Variants in INTS4 observed in about 807,000 individuals in gnomAD.
INTS4 encodes MSTP093.
In INTS4, 70 loss-of-function variants were observed where a neutral mutation model predicts 119.5. That is an observed-to-expected ratio of 0.59 (90% CI 0.48 to 0.71). The LOEUF is 0.71. Among genes scored for constraint, INTS4 ranks in the 30% least tolerant of loss-of-function variants. INTS4 has a pLI of 0.00. For synonymous variants in INTS4, 316 were observed against 419.6 expected, an observed-to-expected ratio of 0.75 and a Z score of 3.02; for missense variants, 867 against 1,173.2, an observed-to-expected ratio of 0.74 and a Z score of 3.81.
chr11:77,928,187 C>G (rs1379236035), intron 11 of INTS4, among the ~76,000 whole-genome samples, 155 bp downstream of exon 11: 2 of 152,188 alleles, frequency 1.3e-5, no homozygotes, highest in South Asian at 4.1e-4. Flanking sequence ...TCCTGTTTCA[C>G]AGTCAATTTC....
chr11:77,922,270 A>C (rs1193279402), intron 13 of INTS4, 86 bp downstream of exon 13: 18 of 1,484,388 alleles, frequency 1.2e-5, no homozygotes, highest in African/African-American at 2.9e-5. Flanking sequence ...AGAAAAGAAA[A>C]TTCAGACTAC....
chr11:77,955,183 A>G (rs1209813049), intron 8 of INTS4, among the ~76,000 whole-genome samples: 12 of 152,128 alleles, frequency 7.9e-5, no homozygotes, highest in Admixed American at 7.9e-4. Context: ...TACAAAAAAT[A>G]CAAATTAGCT....
rs113864270 is a variant in INTS4, at chr11:77,905,456, C to T, written c.2017-1836G>A. Among the ~76,000 whole-genome samples the T allele has an allele frequency of 4.3e-3, 646 of 149,062 alleles. 3 individuals carry two copies. The highest frequency in any genetic ancestry group is 0.015 in the African/African-American group (608 of 40,300). ...CCTGGATGATAAGCTGAGACTCTGT[C>T]TCAAAAAAAAAAAAAAGGCAATATA... On this transcript the variant is annotated intron_variant, in intron 16 of 22. Transcript: ENST00000534064.
intron 10 of INTS4, among the ~76,000 whole-genome samples, chr11:77,929,969 T>G (rs985426038): frequency 1.3e-5 from 2 of 152,164 alleles, no homozygotes; most frequent in African/African-American, 4.8e-5. Flanking sequence ...TTTCCACCCC[T>G]TGGCATGCTC....
chr11:77,979,439 CA>C (rs1227929460), intron 3 of INTS4, among the ~76,000 whole-genome samples: 1 of 151,822 alleles, frequency 6.6e-6, no homozygotes, highest in Non-Finnish European at 1.5e-5. Context: ...CGCGCCACAG[CA>C]CTCCAGCCTG....
At position 77,958,780 on chromosome 11, in the gene INTS4, G is replaced by A. The variant is rs1173470839; in HGVS notation, c.763C>T (p.Leu255Phe). Residue 255 changes from leucine to phenylalanine, a missense_variant, in exon 7 of 23, where the codon CTT becomes TTT. By Grantham distance (22) the Leu-to-Phe change is conservative. Transcript: ENST00000534064. Reference sequence around the variant, plus strand: ...TAGAGCTGACTGACGACCCAGATAAGCTGGACTGCAGCACTGCGCACTTGT... The same window carrying A: ...TAGAGCTGACTGACGACCCAGATAAACTGGACTGCAGCACTGCGCACTTGT... ...YEQVRSAAVQLIWVVSQLYPE... is the reference protein window; with the variant it reads ...YEQVRSAAVQFIWVVSQLYPE... 1.9e-6 allele frequency: 3 copies of A among 1,611,032 alleles called. No homozygotes were observed. The highest frequency in any genetic ancestry group is 2.2e-5 in the South Asian group (2 of 90,890).
At chr11:77,933,031 A>G (rs1475911219) in intron 10 of INTS4, among the ~76,000 whole-genome samples, 10 of 152,018 alleles carry the variant, frequency 6.6e-5, no homozygotes, top group Non-Finnish European at 1.5e-4. Context: ...CGGGTGCAGC[A>G]AACCACCATG....
chr11:77,902,643 C>A (rs1952812478), intron 17 of INTS4, among the ~76,000 whole-genome samples: 2 of 152,118 alleles, frequency 1.3e-5, no homozygotes, highest in Admixed American at 1.3e-4. Flanking sequence ...GTTAATTAAG[C>A]TAATAGACTT....
rs567535444 is a variant in INTS4, at chr11:77,992,548, T to TAATAA, written c.55-1254_55-1250dup. ...AAATCCTGTCTCTGTTAAAAAATAA[T>TAATAA]AATAAAATAAAATAAATTTCCTTAC... is the stretch of plus-strand genomic sequence containing the variant. On this transcript the variant is annotated intron_variant, in intron 1 of 22. Transcript: ENST00000534064. 5.6e-4 allele frequency among the ~76,000 whole-genome samples: 85 copies of TAATAA among 152,188 alleles called. 1 individual carries two copies. The East Asian group carries it at 0.013, about 23-fold the overall frequency.
intron 4 of INTS4, among the ~76,000 whole-genome samples, chr11:77,972,103 T>G (rs1855756385): frequency 6.6e-6 from 1 of 152,160 alleles, no homozygotes; most frequent in Admixed American, 6.5e-5. Context: ...TTCTCCTTCT[T>G]CTTCTTTTGT....
chr11:77,962,264 CAG>C (rs141762181), intron 4 of INTS4, among the ~76,000 whole-genome samples: 3,605 of 152,272 alleles, frequency 0.024, 131 homozygotes, highest in African/African-American at 0.081. Flanking sequence ...ACCTGGATGA[CAG>C]AGTGAGATAC....
At chr11:77,974,238 C>CTTTT (rs60093605) in intron 4 of INTS4, among the ~76,000 whole-genome samples, 134 of 84,210 alleles carry the variant, frequency 1.6e-3, no homozygotes, top group East Asian at 5.5e-3. Context: ...TTTTTCTTTT[C>CTTTT]TTTTTTTTTT....
chr11:77,893,891 T>TTAAGTAAATAAA (rs1555019924), intron 19 of INTS4, among the ~76,000 whole-genome samples: 2 of 137,868 alleles, frequency 1.5e-5, no homozygotes, highest in African/African-American at 5.4e-5. Flanking sequence ...AGACTCTGTC[T>TTAAGTAAATAAA]TAAATAAATA....
At chr11:77,878,690 A>G (rs1330825539), downstream of INTS4, 2 of 685,126 alleles carry the variant, frequency 2.9e-6, no homozygotes, top group African/African-American at 1.8e-5. Context: ...AGCCACACGC[A>G]TTTCTTTACA....
intron 1 of INTS4, among the ~76,000 whole-genome samples, chr11:77,993,205 C>T (rs1168497006): frequency 1.3e-5 from 2 of 152,148 alleles, no homozygotes; most frequent in African/African-American, 2.4e-5. Context: ...CAAGGACCTC[C>T]GACTGGTGGG....
intron 10 of INTS4, among the ~76,000 whole-genome samples, chr11:77,936,831 G>A (rs1953804430): frequency 6.6e-6 from 1 of 152,112 alleles, no homozygotes. Flanking sequence ...GTATCCTAAT[G>A]CATGCGTAAT....
rs143055655 is a variant in INTS4 at position 77,906,391 on chromosome 11, T to C, written c.2016+1326A>G. Among the ~76,000 whole-genome samples the C allele has an allele frequency of 5.8e-3, 877 of 152,342 alleles. 6 individuals are homozygous for C. Among genetic ancestry groups the C allele is most frequent in the African/African-American group, 0.019 (796 of 41,584 alleles). On this transcript the variant is annotated intron_variant, in intron 16 of 22. Coordinates refer to ENST00000534064, the MANE Select transcript of INTS4 (RefSeq NM_033547.4). Reference sequence around the variant, plus strand: ...TCACCTACACTGTCACCCCTTGTCATTGAATAACCAACAATTATGTGTTCT... The same window carrying C: ...TCACCTACACTGTCACCCCTTGTCACTGAATAACCAACAATTATGTGTTCT...
At chr11:77,945,610 C>T (rs1954029585) in intron 8 of INTS4, among the ~76,000 whole-genome samples, 1 of 152,142 alleles carries the variant, frequency 6.6e-6, no homozygotes, top group Non-Finnish European at 1.5e-5. Flanking sequence ...AGCAAGGAAG[C>T]CATCAAATAG....
At chr11:77,918,061 G>A in intron 15 of INTS4, 1 of 671,206 alleles carries the variant, frequency 1.5e-6, no homozygotes. Context: ...TTCCCCACAG[G>A]ATGGAATACA....
Sources: gnomAD v4.1 joint callset for allele counts (sites outside exome capture counted in the v4.1 genomes callset) on GRCh38, gnomAD v4.1.1 for gene constraint, MANE v1.5 for transcripts, NCBI Gene and HGNC (gene_info 2026-07-23, HGNC 2026-07-21) for gene names.